The following MKRN2OS variants were observed in gnomAD, a reference collection of about 807,000 sequenced individuals.
MKRN2OS encodes the protein MKRN2 opposite strand protein.
In MKRN2OS, 17 loss-of-function variants were observed where a neutral mutation model predicts 18.2. That is an observed-to-expected ratio of 0.93 (90% CI 0.64 to 1.40). MKRN2OS has a LOEUF of 1.40. Ranked by LOEUF, MKRN2OS falls within the 40% of genes most tolerant of loss-of-function variation. The pLI, the probability that MKRN2OS is intolerant of heterozygous loss-of-function variation, is 0.00. For missense variants in MKRN2OS, 337 were observed against 283.0 expected, an observed-to-expected ratio of 1.19 and a Z score of -1.37; for synonymous variants, 121 against 108.5, an observed-to-expected ratio of 1.12 and a Z score of -0.72.
At chr3:12,554,496 TGAAATATAAAA>T (rs2057951394) in intron 1 of MKRN2OS, among the ~76,000 whole-genome samples, 7 of 148,918 alleles carry the variant, frequency 4.7e-5, no homozygotes, top group African/African-American at 1.7e-4. Flanking sequence ...GAAATATATA[TGAAATATAAAA>T]ATATATATAT....
At chr3:12,557,221 G>A in intron 1 of MKRN2OS, 2 of 1,525,142 alleles carry the variant, frequency 1.3e-6, no homozygotes, top group South Asian at 1.2e-5. Context: ...CCCCCAGGCC[G>A]CAGGGGGGCC....
At position 12,540,149 on chromosome 3, in the gene MKRN2OS, C is replaced by A. The variant is rs1176979340; in HGVS notation, c.*44G>T. ...AATCCATAGTACTGATTAAAGGTAG[C>A]AACCACCCTACCCTCCAGCGTCCAG... On this transcript the variant is annotated 3_prime_UTR_variant, in exon 4 of 4. Transcript: ENST00000564146. The A allele has an allele frequency of 1.3e-6, 2 of 1,535,216 alleles. No individual in the cohort carries two copies. Among genetic ancestry groups the A allele is most frequent in the Non-Finnish European group, 1.7e-6 (2 of 1,146,312 alleles).
intron 1 of MKRN2OS, among the ~76,000 whole-genome samples, chr3:12,554,846 G>A (rs1420994978): frequency 6.6e-6 from 1 of 152,134 alleles, no homozygotes; most frequent in Non-Finnish European, 1.5e-5. Flanking sequence ...GATAACAGTG[G>A]CCAGGTTTTG....
At chr3:12,545,140 T>C in intron 1 of MKRN2OS, 107 bp downstream of exon 1, 1 of 878,688 alleles carries the variant, frequency 1.1e-6, no homozygotes, top group South Asian at 1.9e-5. Flanking sequence ...CCGAAAAAAT[T>C]GTCCACCAAA....
chr3:12,540,379 G>T lies in MKRN2OS; in HGVS notation c.486C>A (p.Cys162Ter), dbSNP rs184420707. Residue 162 changes from cysteine to a stop codon, truncating the protein, a stop_gained, in exon 4 of 4, where the codon TGC (cysteine) becomes TGA (stop). Coordinates refer to ENST00000564146, the MANE Select transcript of MKRN2OS (RefSeq NM_001195279.2). LOFTEE classifies it low-confidence loss of function (END_TRUNC). ...GCTGTCTACCTTCTGCCATCAGAAC[G>T]CAGTTAATGAACGTGAGTGCGTAAG... is the stretch of plus-strand genomic sequence containing the variant. The part of the protein sequence containing the change: ...CYSYALTFIN[C>*]VLMAEGRQQL... 2.6e-6 allele frequency: 4 copies of T among 1,536,102 alleles called. No homozygotes were observed. The Admixed American group carries it at 7.8e-5, about 30-fold the overall frequency.
Position 12,540,147 on chromosome 3 carries a change from A to G in MKRN2OS, c.*46T>C. On this transcript the variant is annotated 3_prime_UTR_variant, in exon 4 of 4. Transcript: ENST00000564146. ...GAAATCCATAGTACTGATTAAAGGT[A>G]GCAACCACCCTACCCTCCAGCGTCC... The G allele has an allele frequency of 6.5e-7, 1 of 1,535,258 alleles. No homozygotes were observed. The highest frequency in any genetic ancestry group is 8.7e-7 in the Non-Finnish European group (1 of 1,146,360).
chr3:12,553,016 C>CAAAAAAAA (rs371579378), downstream of MKRN2OS, among the ~76,000 whole-genome samples: 2 of 102,022 alleles, frequency 2.0e-5, no homozygotes, highest in Non-Finnish European at 3.8e-5. Context: ...ACCCGGTCTC[C>CAAAAAAAA]AAAAAAAAAA....
At chr3:12,556,306 G>C (rs2057970060) in intron 1 of MKRN2OS, among the ~76,000 whole-genome samples, 1 of 151,764 alleles carries the variant, frequency 6.6e-6, no homozygotes, top group African/African-American at 2.4e-5. Flanking sequence ...AGCCGAGATC[G>C]CCCCACTGCA....
At chr3:12,555,457 C>T (rs904256417) in intron 1 of MKRN2OS, among the ~76,000 whole-genome samples, 1 of 151,834 alleles carries the variant, frequency 6.6e-6, no homozygotes, top group African/African-American at 2.4e-5. Flanking sequence ...TTCAAAAGTT[C>T]TAAATAATTG....
At chr3:12,544,313 A>G (rs535304728) in intron 1 of MKRN2OS, among the ~76,000 whole-genome samples, 70 of 152,274 alleles carry the variant, frequency 4.6e-4, no homozygotes, top group African/African-American at 1.6e-3. Context: ...TCTATGACCC[A>G]TGCTCACCTA....
chr3:12,558,804 G>A (rs1045112467), intron 1 of MKRN2OS, among the ~76,000 whole-genome samples: 3 of 152,188 alleles, frequency 2.0e-5, no homozygotes, highest in Non-Finnish European at 4.4e-5. Flanking sequence ...ATGTTGAGAA[G>A]GGATCACTTC....
chr3:12,548,622 ACT>A (rs1458618234), upstream of MKRN2OS, among the ~76,000 whole-genome samples: 5 of 152,112 alleles, frequency 3.3e-5, no homozygotes, highest in Non-Finnish European at 7.4e-5. Context: ...CCAGAGCGAA[ACT>A]CTGTCTCAAA....
intron 1 of MKRN2OS, among the ~76,000 whole-genome samples, chr3:12,559,413 G>A (rs1575514404): frequency 6.6e-6 from 1 of 152,228 alleles, no homozygotes; most frequent in East Asian, 1.9e-4. Flanking sequence ...AGCAGCGTGT[G>A]CGGTTTTTTG....
chr3:12,545,144 C>A (rs1479524413), intron 1 of MKRN2OS, 103 bp downstream of exon 1: 8 of 944,326 alleles, frequency 8.5e-6, no homozygotes, highest in African/African-American at 1.7e-5. Flanking sequence ...AAAAATTGTC[C>A]ACCAAACCTC....
At chr3:12,557,101 A>AGCGGCTGCGAGAGGCGGCG in intron 1 of MKRN2OS, 3 of 1,393,144 alleles carry the variant, frequency 2.2e-6, no homozygotes, top group Non-Finnish European at 2.8e-6. Context: ...CCGAGGCGGC[A>AGCGGCTGCGAGAGGCGGCG]GCGGCTGCGA....
chr3:12,550,342 T>G (rs1207807204), upstream of MKRN2OS, among the ~76,000 whole-genome samples: 1 of 152,192 alleles, frequency 6.6e-6, no homozygotes, highest in Non-Finnish European at 1.5e-5. Flanking sequence ...CTAAAAAGGC[T>G]GTATACGGTA....
upstream of MKRN2OS, chr3:12,545,505 C>T (rs1268528363): frequency 2.1e-6 from 3 of 1,416,652 alleles, no homozygotes; most frequent in South Asian, 2.7e-5. Flanking sequence ...TTTCCGGAGA[C>T]TTCCTTTTCC....
chr3:12,543,576 G>C (rs567113207), intron 1 of MKRN2OS, among the ~76,000 whole-genome samples: 31 of 151,440 alleles, frequency 2.0e-4, no homozygotes, highest in Non-Finnish European at 4.1e-4. Flanking sequence ...GATAGAACGA[G>C]AGTCTGTCCA....
intron 2 of MKRN2OS, among the ~76,000 whole-genome samples, chr3:12,542,727 A>AAC (rs1553606397): frequency 0.14 from 20,024 of 147,436 alleles, 1,630 homozygotes; most frequent in Non-Finnish European, 0.19. Context: ...AAAAAAAAAA[A>AAC]AAAAAAACAC....
Sources: gnomAD v4.1 joint callset for allele counts (sites outside exome capture counted in the v4.1 genomes callset) on GRCh38, gnomAD v4.1.1 for gene constraint, MANE v1.5 for transcripts, NCBI Gene and HGNC (gene_info 2026-07-23, HGNC 2026-07-21) for gene names.